The following TCOF1 variants were observed in gnomAD, a reference collection of about 807,000 sequenced individuals.
TCOF1 encodes the protein treacle protein.
Under a neutral mutation model 149.0 loss-of-function variants are expected in TCOF1, and 33 were observed. The ratio of observed to expected loss-of-function variants is 0.22; its 90% CI spans 0.17 to 0.30. The LOEUF (loss-of-function observed/expected upper bound fraction) is 0.30. Ranked by LOEUF, TCOF1 falls within the 10% of genes least tolerant of loss-of-function variation. The pLI is 1.00. For missense variants in TCOF1, 1,728 were observed against 1,840.7 expected (o/e 0.94, Z 1.12); for synonymous variants, 789 against 738.8 (o/e 1.07, Z -1.10).
In TCOF1 at chr5:150,375,595, A is replaced by G. The variant is rs576956534; in HGVS notation, c.1704+41A>G. ...GTAAGGCTCTTTCTTTTTCCCCCCC[A>G]CTCAGAGTGGAGCTGCCTGTGGCCT... On this transcript the variant is annotated intron_variant, in intron 11 of 26. Transcript: ENST00000643257. 4.7e-5 allele frequency: 75 copies of G among 1,612,486 alleles called. No individual in the cohort carries two copies. In the South Asian group the frequency reaches 7.4e-4, roughly 16 times the overall value.
intron 3 of TCOF1, among the ~76,000 whole-genome samples, chr5:150,365,229 A>G (rs1761063717): frequency 6.8e-6 from 1 of 146,206 alleles, no homozygotes; most frequent in South Asian, 2.2e-4. Context: ...CTGTCAGCTA[A>G]TTTTGTGGGT....
At chr5:150,367,754 A>G (rs1232341717) in intron 3 of TCOF1, 90 bp from the exon 4 acceptor site, 17 of 1,479,206 alleles carry the variant, frequency 1.1e-5, no homozygotes, top group Admixed American at 1.1e-4. Flanking sequence ...GCCAATACCA[A>G]TAGAATTGTT....
At chr5:150,376,658 C>G (rs1763875178) in intron 14 of TCOF1, 38 bp downstream of exon 14, 2 of 1,546,810 alleles carry the variant, frequency 1.3e-6, no homozygotes, top group Non-Finnish European at 1.7e-6. Context: ...CCACCCACAC[C>G]TGTTCCTGAG....
At chr5:150,392,659 G>A (rs767920754) in intron 21 of TCOF1, 46 bp from the exon 22 acceptor site, 1 of 1,607,326 alleles carries the variant, frequency 6.2e-7, no homozygotes, top group Non-Finnish European at 8.5e-7. Context: ...CTTCCCGGCT[G>A]GCAGGGGCCA....
At chr5:150,367,973 G>A in intron 4 of TCOF1, 56 bp downstream of exon 4, 1 of 1,590,392 alleles carries the variant, frequency 6.3e-7, no homozygotes. Context: ...GCCTGGTAGG[G>A]GACAGTCTTA....
chr5:150,394,185 A>G (rs1241487126), intron 23 of TCOF1: 1 of 155,182 alleles, frequency 6.4e-6, no homozygotes, highest in Non-Finnish European at 1.4e-5. Context: ...GCTCTCTCCA[A>G]CCATCACCAT....
rs113101162 is a variant in TCOF1 at position 150,373,212 on chromosome 5, T to TTGTGTGTG, written c.871-946_871-939dup. 4.0e-5 allele frequency among the ~76,000 whole-genome samples: 6 copies of TTGTGTGTG among 148,762 alleles called. No individual in the cohort carries two copies. The South Asian group carries it at 1.1e-3, about 26-fold the overall frequency. Reference sequence around the variant, plus strand: ...ACAGGCACACACCACCACACCCAGCTTGTGTGTGTGTGTGTGTGTGTGTAT... The same window carrying TTGTGTGTG: ...ACAGGCACACACCACCACACCCAGCTTGTGTGTGTGTGTGTGTGTGTGTGTGTGTGTAT... On this transcript the variant is annotated intron_variant, in intron 7 of 26. Coordinates refer to ENST00000643257, the MANE Select transcript of TCOF1 (RefSeq NM_001371623.1).
chr5:150,383,060 A>G, intron 17 of TCOF1: 2 of 1,535,106 alleles, frequency 1.3e-6, no homozygotes, highest in Non-Finnish European at 1.7e-6. Context: ...TTGTCCCCTC[A>G]GAAGGACAGT....
At chr5:150,369,728 TGGAAAGGCTGCAGCC>T in intron 6 of TCOF1, 126 bp downstream of exon 6, 1 of 1,058,270 alleles carries the variant, frequency 9.4e-7, no homozygotes, top group Non-Finnish European at 1.4e-6. Context: ...GACCAGGAGC[TGGAAAGGCTGCAGCC>T]GGAGAGGGGC....
At position 150,376,224 on chromosome 5, in the gene TCOF1, C is replaced by T. The variant is rs199584426; in HGVS notation, c.2036C>T (p.Ser679Phe). 1 of 1,614,244 alleles carries T rather than the reference C, an allele frequency of 6.2e-7. No homozygotes were observed. Among genetic ancestry groups the T allele is most frequent in the South Asian group, 1.1e-5 (1 of 91,090 alleles). ...ACTGCGACTTCTCCAGCAGGCTCATCCCCAGCTGTGGCTGGGGGCACCCAG... is the reference window on the plus strand; with the variant it reads ...ACTGCGACTTCTCCAGCAGGCTCATTCCCAGCTGTGGCTGGGGGCACCCAG... ...AGTATSPAGS[S>F]PAVAGGTQRP... The change falls in exon 13 of 27, where the codon TCC becomes TTC. Residue 679 changes from serine (S) to phenylalanine (F), a missense_variant. By Grantham distance (155) the Ser-to-Phe change is radical (BLOSUM62 -2). Transcript: ENST00000643257.
In TCOF1 at chr5:150,374,950, C is replaced by G; in HGVS notation, c.1279-4C>G. The G allele has an allele frequency of 1.2e-6, 2 of 1,613,806 alleles. No individual in the cohort carries two copies. Among genetic ancestry groups the G allele is most frequent in the Non-Finnish European group, 1.7e-6 (2 of 1,179,970 alleles). ...CTCTCCCCTCATCCTGTTTCTCACTCCAGGCGAAGCCTTCAGGGAAGGCCC... is the reference window on the plus strand; with the variant it reads ...CTCTCCCCTCATCCTGTTTCTCACTGCAGGCGAAGCCTTCAGGGAAGGCCC... On this transcript the variant is annotated splice_polypyrimidine_tract_variant and splice_region_variant and intron_variant, in intron 9 of 26. Transcript: ENST00000643257.
At chr5:150,377,262 A>C (rs75792751) in intron 14 of TCOF1, among the ~76,000 whole-genome samples, 10,121 of 152,314 alleles carry the variant, frequency 0.066, 387 homozygotes, top group East Asian at 0.11. Flanking sequence ...CAGCCTGGCA[A>C]GTGCTGTAAG....
chr5:150,365,253 CTTTTTTTTTT>C (rs991524826), intron 3 of TCOF1, among the ~76,000 whole-genome samples: 2 of 116,494 alleles, frequency 1.7e-5, no homozygotes, highest in Non-Finnish European at 3.7e-5. Context: ...CTTTTTCTTT[CTTTTTTTTTT>C]TTTTTTTTTT....
rs74782596 is a variant in TCOF1, at chr5:150,395,481, A to G, written c.3785-801A>G. 1.4e-3 allele frequency among the ~76,000 whole-genome samples: 212 copies of G among 151,828 alleles called. 3 individuals carry two copies. In the East Asian group the frequency reaches 0.036, roughly 26 times the overall value. On this transcript the variant is annotated intron_variant, in intron 23 of 26. Coordinates refer to ENST00000643257, the MANE Select transcript of TCOF1 (RefSeq NM_001371623.1). ...GAATTGCTGCTCACTTTCTTCCCCA[A>G]CATTCTCTGTGAGAGGCGGTGCGAC...
At chr5:150,386,901 G>C (rs540768940) in intron 17 of TCOF1, among the ~76,000 whole-genome samples, 1 of 152,358 alleles carries the variant, frequency 6.6e-6, no homozygotes, top group Non-Finnish European at 1.5e-5. Flanking sequence ...GGGAGCTGCT[G>C]TTGCTTGTTT....
chr5:150,392,374 T>A, intron 21 of TCOF1, 198 bp downstream of exon 21: 3 of 648,950 alleles, frequency 4.6e-6, no homozygotes, highest in Non-Finnish European at 7.8e-6. Flanking sequence ...CTTTGCTGTT[T>A]GACCACTCTC....
intron 1 of TCOF1, 82 bp downstream of exon 1, chr5:150,357,936 C>T: frequency 3.4e-6 from 5 of 1,464,102 alleles, no homozygotes; most frequent in Non-Finnish European, 4.6e-6. Flanking sequence ...CGTCCCCAGG[C>T]GACCCGGCAG....
rs781293880 is a variant in TCOF1, at chr5:150,385,974, AACT to A, written c.2860-1923_2860-1921del. ...CCAGTGAATGAGCCCAGGCTGGGAT[AACT>A]ACTAGCCGTTTCATTAAACGGGAAA... On this transcript the variant is annotated intron_variant, in intron 17 of 26. Coordinates refer to ENST00000643257, the MANE Select transcript of TCOF1 (RefSeq NM_001371623.1). Among the ~76,000 whole-genome samples the A allele has an allele frequency of 9.3e-4, 142 of 152,308 alleles. 2 individuals are homozygous for A. Among genetic ancestry groups the A allele is most frequent in the Non-Finnish European group, 2.9e-4 (20 of 68,024 alleles).
rs143713714 is a variant in TCOF1 at position 150,374,871 on chromosome 5, G to C, written c.1278+60G>C. ...TGCCTAAACCCCAGCACCTGCATGG[G>C]TGTGGCCACCTTTGCCACATCCAGC... On this transcript the variant is annotated intron_variant, in intron 9 of 26. Transcript: ENST00000643257. 9.2e-3 allele frequency: 14,807 copies of C among 1,610,052 alleles called. 105 individuals carry two copies. Among genetic ancestry groups the C allele is most frequent in the Middle Eastern group, 0.025 (151 of 6,046 alleles).
Sources: allele counts gnomAD v4.1 joint callset (sites outside exome capture counted in the v4.1 genomes callset), GRCh38; gene constraint gnomAD v4.1.1; transcripts MANE v1.5; gene names NCBI Gene and HGNC (gene_info 2026-07-23, HGNC 2026-07-21).